Variants in TRAPPC9 observed in about 807,000 individuals in gnomAD.
TRAPPC9 encodes the protein trafficking protein particle complex subunit 9.
A neutral mutation model predicts 124.0 loss-of-function variants in TRAPPC9; 83 were observed. That is an observed-to-expected ratio of 0.67 (90% CI 0.56 to 0.80). The LOEUF is 0.80. TRAPPC9 is among the 30% of genes least tolerant of loss of function. The pLI is 0.00. For synonymous variants in TRAPPC9, 638 were observed against 617.5 expected, an observed-to-expected ratio of 1.03 and a Z score of -0.49; for missense variants, 1,302 against 1,508.3, an observed-to-expected ratio of 0.86 and a Z score of 2.27.
At chr8:139,826,722 C>T (rs980909173) in intron 21 of TRAPPC9, among the ~76,000 whole-genome samples, 3 of 152,074 alleles carry the variant, frequency 2.0e-5, no homozygotes, top group Non-Finnish European at 2.9e-5. Context: ...GGACTGGGGA[C>T]GCCGGGGGAA....
At chr8:139,757,141 T>A (rs11783492) in intron 21 of TRAPPC9, among the ~76,000 whole-genome samples, 1 of 103,642 alleles carries the variant, frequency 9.6e-6, no homozygotes, top group African/African-American at 4.5e-5. Flanking sequence ...GGTTTGAGGA[T>A]GAGGACAGCA....
At chr8:139,795,774 G>A (rs549782573) in intron 21 of TRAPPC9, among the ~76,000 whole-genome samples, 3 of 152,106 alleles carry the variant, frequency 2.0e-5, no homozygotes, top group African/African-American at 7.2e-5. Context: ...GGTGGGAGGC[G>A]GACCTCTGGG....
chr8:139,760,233 T>C (rs1820129385), intron 21 of TRAPPC9, among the ~76,000 whole-genome samples: 1 of 152,120 alleles, frequency 6.6e-6, no homozygotes, highest in Non-Finnish European at 1.5e-5. Context: ...CTCTCCATCC[T>C]TGGAATACCA....
chr8:139,803,820 TC>T (rs1823736356), intron 21 of TRAPPC9, among the ~76,000 whole-genome samples: 1 of 152,106 alleles, frequency 6.6e-6, no homozygotes, highest in Admixed American at 6.5e-5. Context: ...CTTTACCACT[TC>T]CCCAAGAGGA....
At chr8:139,886,964 C>T (rs1307583660) in intron 20 of TRAPPC9, among the ~76,000 whole-genome samples, 5 of 152,262 alleles carry the variant, frequency 3.3e-5, no homozygotes, top group Non-Finnish European at 5.9e-5. Context: ...GGGAGCAGGA[C>T]GAAATGGAGG....
chr8:139,867,548 A>C (rs2131015087), intron 21 of TRAPPC9, among the ~76,000 whole-genome samples: 1 of 152,346 alleles, frequency 6.6e-6, no homozygotes, highest in South Asian at 2.1e-4. Flanking sequence ...AGAGGGAAGC[A>C]AACACCATCT....
intron 10 of TRAPPC9, among the ~76,000 whole-genome samples, chr8:140,306,873 C>T (rs949047581): frequency 1.3e-5 from 2 of 152,148 alleles, no homozygotes; most frequent in African/African-American, 4.8e-5. Context: ...AGGTCACAAA[C>T]CGAAACCAGG....
Position 139,847,550 on chromosome 8 carries a change from C to G in TRAPPC9, c.3055+38329G>C, listed in dbSNP as rs915740017. 2.0e-5 allele frequency among the ~76,000 whole-genome samples: 3 copies of G among 146,902 alleles called. 1 individual carries two copies. The Middle Eastern group carries it at 0.012, about 583-fold the overall frequency. ...TGGAGGCCCGGCCTGGGGATGGGCACGAGCACCTGTCCCCTGGCGGCGTGG... is the reference window on the plus strand; with the variant it reads ...TGGAGGCCCGGCCTGGGGATGGGCAGGAGCACCTGTCCCCTGGCGGCGTGG... On this transcript the variant is annotated intron_variant, in intron 21 of 22. Coordinates refer to ENST00000438773, the MANE Select transcript of TRAPPC9 (RefSeq NM_001160372.4).
At chr8:140,242,119 C>G (rs1322865125) in intron 16 of TRAPPC9, among the ~76,000 whole-genome samples, 3 of 146,340 alleles carry the variant, frequency 2.1e-5, no homozygotes, top group Admixed American at 2.0e-4. Context: ...AAGGGCCCAG[C>G]AACACGAAGA....
At chr8:140,180,642 A>G (rs557365732) in intron 17 of TRAPPC9, among the ~76,000 whole-genome samples, 1 of 148,648 alleles carries the variant, frequency 6.7e-6, no homozygotes, top group South Asian at 2.1e-4. Context: ...TTTTTTATGG[A>G]TATTTTTGCT....
intron 1 of TRAPPC9, among the ~76,000 whole-genome samples, chr8:140,455,984 A>G (rs2132739498): frequency 6.6e-6 from 1 of 152,334 alleles, no homozygotes; most frequent in Non-Finnish European, 1.5e-5. Flanking sequence ...ATATATCGAA[A>G]GTAAACCGGT....
At chr8:140,412,856 TAC>T (rs2069756259) in intron 5 of TRAPPC9, among the ~76,000 whole-genome samples, 1 of 151,512 alleles carries the variant, frequency 6.6e-6, no homozygotes, top group Non-Finnish European at 1.5e-5. Context: ...CTAAAACATA[TAC>T]AACTGGGAAT....
chr8:139,935,738 C>T (rs1833473172), intron 19 of TRAPPC9, among the ~76,000 whole-genome samples: 1 of 147,544 alleles, frequency 6.8e-6, no homozygotes, highest in Admixed American at 6.8e-5. Context: ...TCGGGCAAGT[C>T]ACTTGATGAC....
intron 17 of TRAPPC9, among the ~76,000 whole-genome samples, chr8:140,071,653 C>T (rs948652366): frequency 1.3e-5 from 2 of 151,734 alleles, no homozygotes; most frequent in African/African-American, 4.8e-5. Flanking sequence ...ACGCCTGCCC[C>T]ACAGGGTCTC....
At chr8:139,996,158 C>CAAAA in intron 18 of TRAPPC9, among the ~76,000 whole-genome samples, 104 of 19,374 alleles carry the variant, frequency 5.4e-3, no homozygotes, top group African/African-American at 0.013. Flanking sequence ...AAAACTTAAG[C>CAAAA]AAAAAAAAAA....
chr8:139,941,833 C>T (rs148325583), intron 19 of TRAPPC9, among the ~76,000 whole-genome samples: 145 of 152,286 alleles, frequency 9.5e-4, no homozygotes, highest in African/African-American at 3.3e-3. Flanking sequence ...ACATGGGCTC[C>T]GGGCATGGGT....
chr8:140,137,398 C>T (rs998825901), intron 17 of TRAPPC9, among the ~76,000 whole-genome samples: 1 of 152,210 alleles, frequency 6.6e-6, no homozygotes, highest in African/African-American at 2.4e-5. Context: ...TGTCCAAGAT[C>T]ACTCATCATA....
At chr8:140,156,964 TCCATTCAAAAGCCTCCCTTTC>T (rs2130860589) in intron 17 of TRAPPC9, among the ~76,000 whole-genome samples, 1 of 135,412 alleles carries the variant, frequency 7.4e-6, no homozygotes, top group Non-Finnish European at 1.6e-5. Context: ...GCCTCCCTTT[TCCATTCAAAAGCCTCCCTTTC>T]CATTCAAAAG....
intron 19 of TRAPPC9, among the ~76,000 whole-genome samples, chr8:139,969,567 G>A (rs1835927646): frequency 6.6e-6 from 1 of 152,212 alleles, no homozygotes; most frequent in South Asian, 2.1e-4. Flanking sequence ...TGGGCTAGCA[G>A]GAATATGACA....
Sources: gnomAD v4.1 joint callset for allele counts (sites outside exome capture counted in the v4.1 genomes callset) on GRCh38, gnomAD v4.1.1 for gene constraint, MANE v1.5 for transcripts, NCBI Gene and HGNC (gene_info 2026-07-23, HGNC 2026-07-21) for gene names.